Variants in USP13 observed in about 807,000 individuals in gnomAD.
USP13 encodes the protein ubiquitin specific peptidase 13.
USP13 carries 68 observed loss-of-function variants against 107.8 expected under a neutral mutation model. That is an observed-to-expected ratio of 0.63 (90% CI 0.52 to 0.77). The LOEUF (loss-of-function observed/expected upper bound fraction) is 0.77. Ranked by LOEUF, USP13 falls within the 30% of genes least tolerant of loss-of-function variation. The probability of loss-of-function intolerance (pLI) is 0.00; values close to 1 mark genes in which losing one functional copy is unlikely to be tolerated. For synonymous variants in USP13, 377 were observed against 389.5 expected (o/e 0.97, Z 0.38); for missense variants, 945 against 1,093.3 (o/e 0.86, Z 1.91).
rs1720156069 is a variant in USP13, at chr3:179,653,571, A to T, written c.168+178A>T. The T allele has an allele frequency of 4.6e-6, 4 of 877,550 alleles. No homozygotes were observed. The highest frequency in any genetic ancestry group is 6.7e-6 in the Non-Finnish European group (4 of 601,128). 54.4% of individuals were successfully genotyped at this position (877,550 alleles called of 1,614,324 possible). The stretch of plus-strand genomic sequence containing the variant: ...GAGCGCCCCAGGGCTGCTGCAGCCG[A>T]GGACTGGCTCGTGCTGGTGGTTTTG... On this transcript the variant is annotated intron_variant, in intron 1 of 20. Coordinates refer to ENST00000263966, the MANE Select transcript of USP13 (RefSeq NM_003940.3). This position sits in a 1 kb window ranked among gnomAD's most constrained non-coding sequence, Gnocchi z 4.0.
Position 179,653,693 on chromosome 3 carries a change from G to C in USP13, c.168+300G>C, listed in dbSNP as rs1349968114. The C allele has an allele frequency of 8.3e-6, 3 of 360,084 alleles. No individual in the cohort carries two copies. Among genetic ancestry groups the C allele is most frequent in the African/African-American group, 2.1e-5 (1 of 46,758 alleles). 22.3% of individuals were successfully genotyped at this position (360,084 alleles called of 1,614,324 possible). A position where few individuals can be genotyped will look rare whatever the true frequency, so the allele number is the denominator to read the frequency against. On this transcript the variant is annotated intron_variant, in intron 1 of 20. Coordinates refer to ENST00000263966, the MANE Select transcript of USP13 (RefSeq NM_003940.3). This position sits in a 1 kb window ranked among gnomAD's most constrained non-coding sequence, Gnocchi z 4.0. ...GATAGATGAAATACAAGAGTTCCCT[G>C]TTCCGAACTGCACGTTGCAGATCGT...
chr3:179,780,591 G>A (rs1019007982), intron 19 of USP13, among the ~76,000 whole-genome samples: 1 of 152,196 alleles, frequency 6.6e-6, no homozygotes, highest in Non-Finnish European at 1.5e-5. Flanking sequence ...TCGGGGAGAT[G>A]AAGGGAAGCA....
At chr3:179,694,405 C>T (rs1299195187) in intron 3 of USP13, among the ~76,000 whole-genome samples, 3 of 152,192 alleles carry the variant, frequency 2.0e-5, no homozygotes, top group Non-Finnish European at 2.9e-5. Flanking sequence ...ATTCCTGCTT[C>T]ACCCTCCATC....
chr3:179,777,258 T>C (rs1330845454), intron 19 of USP13, among the ~76,000 whole-genome samples: 1 of 152,106 alleles, frequency 6.6e-6, no homozygotes, highest in Admixed American at 6.5e-5. Context: ...GATTTGTCCT[T>C]TCTCTGTGTC....
chr3:179,660,588 T>C (rs1343255249), intron 1 of USP13, among the ~76,000 whole-genome samples: 1 of 152,252 alleles, frequency 6.6e-6, no homozygotes, highest in Non-Finnish European at 1.5e-5. Context: ...GCTGCTTCAG[T>C]TGTTGGTGTA....
intron 6 of USP13, among the ~76,000 whole-genome samples, chr3:179,711,595 G>A (rs1054492051): frequency 2.6e-5 from 4 of 151,996 alleles, no homozygotes; most frequent in African/African-American, 7.2e-5. Context: ...TAAAAACTAA[G>A]ACACAAACAC....
intron 8 of USP13, among the ~76,000 whole-genome samples, chr3:179,726,327 G>A (rs1295333157): frequency 6.6e-6 from 1 of 152,190 alleles, no homozygotes; most frequent in Non-Finnish European, 1.5e-5. Context: ...TGGCAGATGA[G>A]GTCAGAGAAG....
chr3:179,655,125 C>A (rs557104142), intron 1 of USP13, among the ~76,000 whole-genome samples: 1 of 152,088 alleles, frequency 6.6e-6, no homozygotes, highest in Admixed American at 6.6e-5. Flanking sequence ...AGATTGTTAC[C>A]TCCAGGAAGA....
chr3:179,723,723 A>G (rs1363439538), intron 8 of USP13, among the ~76,000 whole-genome samples: 1 of 152,216 alleles, frequency 6.6e-6, no homozygotes, highest in Non-Finnish European at 1.5e-5. Context: ...AACTATTCAT[A>G]CATGTCTTCA....
intron 13 of USP13, among the ~76,000 whole-genome samples, chr3:179,750,326 G>GTGTATATATATATATATATA (rs1553797370): frequency 2.9e-4 from 22 of 75,844 alleles, no homozygotes; most frequent in East Asian, 1.5e-3. Context: ...ATATATGTGT[G>GTGTATATATATATATATATA]TATATATATA....
chr3:179,764,094 C>G lies in USP13; in HGVS notation c.2185C>G (p.Pro729Ala). 2 of 1,614,028 alleles carry G rather than the reference C, an allele frequency of 1.2e-6. No individual in the cohort carries two copies. Among genetic ancestry groups the G allele is most frequent in the African/African-American group, 2.7e-5 (2 of 74,992 alleles). Residue 729 changes from proline to alanine, a missense_variant, in exon 18 of 21, where the codon CCA becomes GCA. Transcript: ENST00000263966. The part of the protein sequence containing the change: ...FGASGLDNQP[P>A]EEIVAIITSM... ...TGCTTCTGGACTGGATAACCAACCT[C>G]CAGAGGAAATCGTAGCTATCATCAC...
chr3:179,754,825 C>A lies in USP13; in HGVS notation c.1892C>A (p.Pro631His), dbSNP rs768370311. 2 of 1,612,472 alleles carry A rather than the reference C, an allele frequency of 1.2e-6. No individual in the cohort carries two copies. The highest frequency in any genetic ancestry group is 1.7e-6 in the Non-Finnish European group (2 of 1,179,422). The change falls in exon 15 of 21, where the codon CCC becomes CAC. Residue 631 changes from proline to histidine, a missense_variant. Coordinates refer to ENST00000263966, the MANE Select transcript of USP13 (RefSeq NM_003940.3). The part of the protein sequence containing the change: ...PGEEELPDIS[P>H]PIVIPDDSKD... ...GAGGAAGAACTTCCAGACATCAGCCCCCCCATAGTCATTCCTGATGACTCA... is the reference window on the plus strand; with the variant it reads ...GAGGAAGAACTTCCAGACATCAGCCACCCCATAGTCATTCCTGATGACTCA...
At chr3:179,730,024 G>A (rs144574758) in intron 8 of USP13, among the ~76,000 whole-genome samples, 165 bp from the exon 9 acceptor site, 1 of 152,324 alleles carries the variant, frequency 6.6e-6, no homozygotes, top group East Asian at 1.9e-4. Context: ...TTTCAGGAAG[G>A]TCATGAGTGC....
At chr3:179,747,837 T>C (rs1451660821) in intron 13 of USP13, among the ~76,000 whole-genome samples, 1 of 152,214 alleles carries the variant, frequency 6.6e-6, no homozygotes, top group Non-Finnish European at 1.5e-5. Context: ...CTAGCATATC[T>C]ATCTAGAATC....
At chr3:179,708,989 G>T in intron 6 of USP13, 32 bp downstream of exon 6, 1 of 1,602,982 alleles carries the variant, frequency 6.2e-7, no homozygotes, top group Non-Finnish European at 8.5e-7. Context: ...TTGGGAACAT[G>T]CAGTGGCTTC....
At chr3:179,701,273 C>T (rs1230789481) in intron 4 of USP13, 144 bp downstream of exon 4, 4 of 1,078,268 alleles carry the variant, frequency 3.7e-6, no homozygotes, top group South Asian at 1.7e-5. Flanking sequence ...AGCATGAACA[C>T]GCACATACCT....
chr3:179,722,730 T>C (rs898365173), intron 8 of USP13, among the ~76,000 whole-genome samples: 4 of 152,222 alleles, frequency 2.6e-5, no homozygotes, highest in African/African-American at 9.6e-5. Flanking sequence ...AAATACTAGA[T>C]CTTGTTCATT....
At chr3:179,669,345 A>G (rs904024510) in intron 1 of USP13, among the ~76,000 whole-genome samples, 14 of 152,156 alleles carry the variant, frequency 9.2e-5, no homozygotes, top group Non-Finnish European at 1.9e-4. Context: ...CTGTGGTCCC[A>G]GCTACTTGGG....
In USP13 at chr3:179,681,246, A is replaced by C. The variant is rs1711642659; in HGVS notation, c.169-632A>C. Among the ~76,000 whole-genome samples the C allele has an allele frequency of 1.3e-5, 2 of 152,138 alleles. 1 individual carries two copies. Among genetic ancestry groups the C allele is most frequent in the South Asian group, 4.1e-4 (2 of 4,822 alleles). On this transcript the variant is annotated intron_variant, in intron 1 of 20. Coordinates refer to ENST00000263966, the MANE Select transcript of USP13 (RefSeq NM_003940.3). Reference sequence around the variant, plus strand: ...AGTGTTGTGACCAAGCGAGTTACAGAGAAACGCCACACTTTGAGACAAATT... The same window carrying C: ...AGTGTTGTGACCAAGCGAGTTACAGCGAAACGCCACACTTTGAGACAAATT...
Sources: gnomAD v4.1 joint callset for allele counts (sites outside exome capture counted in the v4.1 genomes callset) on GRCh38, gnomAD v4.1.1 for gene constraint, Gnocchi (gnomAD v3.1) non-coding constraint, MANE v1.5 for transcripts, NCBI Gene and HGNC (gene_info 2026-07-23, HGNC 2026-07-21) for gene names.